Variants in RBM18 observed in about 807,000 individuals in gnomAD.
The protein encoded by RBM18 is probable RNA-binding protein 18.
A neutral mutation model predicts 26.4 loss-of-function variants in RBM18; 18 were observed. The ratio of observed to expected loss-of-function variants is 0.68; its 90% CI spans 0.47 to 1.01. The LOEUF is 1.01. Ranked by LOEUF, RBM18 falls within the 50% of genes least tolerant of loss-of-function variation. RBM18 has a pLI of 0.00. For missense variants in RBM18, 180 were observed against 219.2 expected, an observed-to-expected ratio of 0.82 and a Z score of 1.13; for synonymous variants, 74 against 81.1, an observed-to-expected ratio of 0.91 and a Z score of 0.47.
Position 122,241,869 on chromosome 9 carries a change from A to G in RBM18, c.*15T>C. On this transcript the variant is annotated 3_prime_UTR_variant, in exon 6 of 6. Coordinates refer to ENST00000417201, the MANE Select transcript of RBM18 (RefSeq NM_033117.4). ...GAGACCAATTTGCTTTTGCTGCTAC[A>G]GTAATTCACAACCATCATCTTCGAG... 1.2e-6 allele frequency: 2 copies of G among 1,610,328 alleles called. No individual in the cohort carries two copies. Among genetic ancestry groups the G allele is most frequent in the Non-Finnish European group, 1.7e-6 (2 of 1,178,400 alleles).
intron 2 of RBM18, chr9:122,254,420 T>A (rs571801547): frequency 3.0e-6 from 1 of 332,408 alleles, no homozygotes; most frequent in Admixed American, 6.4e-5. Flanking sequence ...AGATGGGGAC[T>A]GCAGGCTCTG....
In RBM18 at chr9:122,245,319, T is replaced by A. The variant is rs1041132462; in HGVS notation, c.350A>T (p.Asp117Val). The change falls in exon 5 of 6, where the codon GAT becomes GTT. Residue 117 changes from aspartate (D) to valine (V), a missense_variant. Asp to Val is a radical substitution (Grantham distance 152). Coordinates refer to ENST00000417201, the MANE Select transcript of RBM18 (RefSeq NM_033117.4). ...CTCGAGACTGATTGGAAGAATCTTA[T>A]CATTCTTGTTATGATCATATCTCTG... ...QVKRYDHNKN[D>V]KILPISLEPS... The A allele has an allele frequency of 6.2e-7, 1 of 1,608,734 alleles. No individual in the cohort carries two copies. The highest frequency in any genetic ancestry group is 8.5e-7 in the Non-Finnish European group (1 of 1,175,216).
At chr9:122,248,531 C>T (rs925056399) in intron 3 of RBM18, among the ~76,000 whole-genome samples, 3 of 152,138 alleles carry the variant, frequency 2.0e-5, no homozygotes, top group Non-Finnish European at 4.4e-5. Context: ...TCAAAGAGAC[C>T]GTTAGCAAGG....
intron 3 of RBM18, among the ~76,000 whole-genome samples, chr9:122,250,080 A>AAAAAAAAAAAAAAAG (rs1554813988): frequency 6.6e-6 from 1 of 150,408 alleles, no homozygotes; most frequent in Non-Finnish European, 1.5e-5. Context: ...AAAAAAAAAA[A>AAAAAAAAAAAAAAAG]GAATGCTAAT....
At chr9:122,264,580 G>T (rs149366863) in intron 1 of RBM18, 135 bp downstream of exon 1, 33 of 152,432 alleles carry the variant, frequency 2.2e-4, no homozygotes, top group African/African-American at 7.5e-4. Flanking sequence ...GTCATTACTC[G>T]GATTGTTATT....
rs561289606 is a variant in RBM18, at chr9:122,243,678, C to T, written c.413+1578G>A. On this transcript the variant is annotated intron_variant, in intron 5 of 5. Transcript: ENST00000417201. ...ATATACATGGGCTTTTGGAGATCCT[C>T]GAAAGGTATACATGGGCGAGAAATT... The T allele has an allele frequency of 2.1e-5, 20 of 957,226 alleles. No homozygotes were observed. In the South Asian group the frequency reaches 5.8e-4, roughly 28 times the overall value. The allele number at this position is 957,226 out of a possible 1,614,324, so 59.3% of individuals were successfully genotyped here.
chr9:122,250,902 A>ATT (rs112114205), intron 3 of RBM18, among the ~76,000 whole-genome samples: 386 of 148,734 alleles, frequency 2.6e-3, no homozygotes, highest in African/African-American at 8.8e-3. Context: ...CACTCATACA[A>ATT]ATTATTATTA....
At chr9:122,254,077 A>C (rs1009606278) in intron 2 of RBM18, among the ~76,000 whole-genome samples, 5 of 151,886 alleles carry the variant, frequency 3.3e-5, no homozygotes, top group Non-Finnish European at 5.9e-5. Flanking sequence ...CACAAAAAAA[A>C]CAAAAAAGAC....
intron 1 of RBM18, among the ~76,000 whole-genome samples, chr9:122,264,450 G>A (rs1276111717): frequency 6.6e-6 from 1 of 152,230 alleles, no homozygotes; most frequent in East Asian, 1.9e-4. Flanking sequence ...GCCAGAAATA[G>A]TCATCTGGGG....
At chr9:122,261,698 A>C (rs1831799232) in intron 1 of RBM18, among the ~76,000 whole-genome samples, 190 bp from the exon 2 acceptor site, 1 of 152,246 alleles carries the variant, frequency 6.6e-6, no homozygotes, top group Non-Finnish European at 1.5e-5. Context: ...CAGCCAGGGC[A>C]CACAAGCTGC....
Position 122,249,419 on chromosome 9 carries a change from C to T in RBM18, c.241-1815G>A, listed in dbSNP as rs370440375. Among the ~76,000 whole-genome samples, 14 of 152,100 alleles carry T rather than the reference C, an allele frequency of 9.2e-5. No homozygotes were observed. The East Asian group carries it at 1.4e-3, about 15-fold the overall frequency. Reference sequence around the variant, plus strand: ...CATGATCACTGATTTTAGTTGTCTGCAACAATTCCCAGGCCGGGCATGGTG... The same window carrying T: ...CATGATCACTGATTTTAGTTGTCTGTAACAATTCCCAGGCCGGGCATGGTG... On this transcript the variant is annotated intron_variant, in intron 3 of 5. Transcript: ENST00000417201.
At chr9:122,255,654 C>T (rs1831681442) in intron 2 of RBM18, among the ~76,000 whole-genome samples, 1 of 152,182 alleles carries the variant, frequency 6.6e-6, no homozygotes, top group South Asian at 2.1e-4. Context: ...ATCTCTCAGA[C>T]TCACTCATCA....
chr9:122,261,146 G>GA (rs568705965), intron 2 of RBM18, among the ~76,000 whole-genome samples: 1 of 151,902 alleles, frequency 6.6e-6, no homozygotes, highest in South Asian at 2.1e-4. Flanking sequence ...TGGCAGATAG[G>GA]AAAAAAACAG....
chr9:122,260,012 T>C (rs888486362), intron 2 of RBM18, among the ~76,000 whole-genome samples: 2 of 152,084 alleles, frequency 1.3e-5, no homozygotes, highest in African/African-American at 4.8e-5. Context: ...TCTTTAACAC[T>C]ATTCTAAAGG....
intron 1 of RBM18, among the ~76,000 whole-genome samples, chr9:122,261,716 G>C (rs140342256): frequency 6.8e-4 from 103 of 152,306 alleles, no homozygotes; most frequent in Middle Eastern, 3.4e-3. Flanking sequence ...TGCCATTTAA[G>C]GTGAAAGGGG....
At chr9:122,256,595 G>C (rs1175238003) in intron 2 of RBM18, among the ~76,000 whole-genome samples, 1 of 152,080 alleles carries the variant, frequency 6.6e-6, no homozygotes, top group African/African-American at 2.4e-5. Context: ...GTTAGATTGG[G>C]TCTCACAACC....
rs1444927371 is a variant in RBM18 at position 122,251,988 on chromosome 9, G to C, written c.114-15C>G. Reference sequence around the variant, plus strand: ...GGAGGTGGTATCTGTGGAGAAAGAAGAGTCCATGAGTATGCTCTGGGAATT... The same window carrying C: ...GGAGGTGGTATCTGTGGAGAAAGAACAGTCCATGAGTATGCTCTGGGAATT... On this transcript the variant is annotated splice_polypyrimidine_tract_variant and intron_variant, in intron 2 of 5. Transcript: ENST00000417201. 6.2e-7 allele frequency: 1 copy of C among 1,613,510 alleles called. No homozygotes were observed. The highest frequency in any genetic ancestry group is 1.3e-5 in the African/African-American group (1 of 75,028).
chr9:122,247,701 C>T, intron 3 of RBM18, 97 bp from the exon 4 acceptor site: 2 of 884,512 alleles, frequency 2.3e-6, no homozygotes, highest in Non-Finnish European at 1.8e-6. Flanking sequence ...GGCTGAGTTT[C>T]TAACAAATTG....
rs1422809939 is a variant in RBM18 at position 122,239,636 on chromosome 9, A to C, written c.*2248T>G. 6.6e-6 allele frequency: 1 copy of C among 152,266 alleles called. No individual in the cohort carries two copies. Among genetic ancestry groups the C allele is most frequent in the African/African-American group, 2.4e-5 (1 of 41,472 alleles). 9.4% of individuals were successfully genotyped at this position (152,266 alleles called of 1,614,324 possible). On this transcript the variant is annotated 3_prime_UTR_variant, in exon 6 of 6. Coordinates refer to ENST00000417201, the MANE Select transcript of RBM18 (RefSeq NM_033117.4). ...TTGACCAAGTTAACACCTGAAATTT[A>C]AAAACCTTTCATCAGACTGCTTTCA...
Sources: allele counts gnomAD v4.1 joint callset (sites outside exome capture counted in the v4.1 genomes callset), GRCh38; gene constraint gnomAD v4.1.1; transcripts MANE v1.5; gene names NCBI Gene and HGNC (gene_info 2026-07-23, HGNC 2026-07-21).